Variants in RBM6 observed in about 807,000 individuals in gnomAD.
RBM6 encodes RNA-binding protein 6.
Under a neutral mutation model 140.4 loss-of-function variants are expected in RBM6, and 23 were observed. That is an observed-to-expected ratio of 0.16 (90% CI 0.12 to 0.23). The LOEUF is 0.23. Among genes scored for constraint, RBM6 ranks in the 10% least tolerant of loss-of-function variants. The pLI is 1.00. For missense variants in RBM6, 1,139 were observed against 1,386.7 expected (o/e 0.82, Z 2.84); for synonymous variants, 439 against 475.6 (o/e 0.92, Z 1.00).
At chr3:50,024,528 C>A (rs73079076) in intron 6 of RBM6, among the ~76,000 whole-genome samples, 11,442 of 152,134 alleles carry the variant, frequency 0.075, 655 homozygotes, top group Non-Finnish European at 0.12. Flanking sequence ...AAGATGTATT[C>A]TTTTGCCTGA....
chr3:50,012,293 C>T (rs1306908749), intron 6 of RBM6, among the ~76,000 whole-genome samples: 2 of 152,078 alleles, frequency 1.3e-5, no homozygotes, highest in Non-Finnish European at 2.9e-5. Flanking sequence ...AGTGATCCTC[C>T]CACCTTGGTT....
At chr3:50,038,542 G>A (rs2088678786) in intron 6 of RBM6, among the ~76,000 whole-genome samples, 1 of 152,114 alleles carries the variant, frequency 6.6e-6, no homozygotes, top group South Asian at 2.1e-4. Flanking sequence ...TAGAAATGAT[G>A]TAAATCAGGC....
chr3:50,076,914 C>A, intron 20 of RBM6, 94 bp from the exon 21 acceptor site: 1 of 1,292,902 alleles, frequency 7.7e-7, no homozygotes, highest in Non-Finnish European at 1.0e-6. Context: ...CTATATACTG[C>A]TTCTTACTAG....
In RBM6 at chr3:50,062,035, A is replaced by G. The variant is rs756934766; in HGVS notation, c.2513A>G (p.Gln838Arg). Residue 838 changes from glutamine (Q) to arginine (R), a missense_variant, in exon 15 of 21, where the codon CAA (glutamine) becomes CGA (arginine). Gln to Arg is a conservative substitution (Grantham distance 43, BLOSUM62 1). This residue lies in a region of RBM6 where 163 missense variants were observed against 182.8 expected (regional missense o/e 0.89). Coordinates refer to ENST00000266022, the MANE Select transcript of RBM6 (RefSeq NM_005777.3). ...EEIKEKKPTS[Q>R]GKSSSKKEMS... ...ATCAAGGAAAAAAAACCCACCAGTC[A>G]AGGAAAGTCAAGTAGCAAGAAGGAA... 1 of 1,614,098 alleles carries G rather than the reference A, an allele frequency of 6.2e-7. No individual in the cohort carries two copies. The highest frequency in any genetic ancestry group is 1.6e-4 in the Middle Eastern group (1 of 6,062).
chr3:49,968,211 A>G lies in RBM6; in HGVS notation c.786A>G (p.Arg262=), dbSNP rs762735460. The change falls in exon 3 of 21, where the codon CGA becomes CGG. Residue 262 remains arginine (R), a synonymous_variant. Coordinates refer to ENST00000266022, the MANE Select transcript of RBM6 (RefSeq NM_005777.3). ...TPHSDFRGRH[R]SRTDQDFRGR... The stretch of plus-strand genomic sequence containing the variant: ...ATTCAGATTTCAGAGGTAGACACCG[A>G]TCTAGGACTGATCAGGATTTTAGGG... The G allele has an allele frequency of 2.4e-5, 39 of 1,614,030 alleles. No individual in the cohort carries two copies. The highest frequency in any genetic ancestry group is 3.2e-5 in the Non-Finnish European group (38 of 1,180,036).
At chr3:49,997,540 C>T (rs927407380) in intron 5 of RBM6, among the ~76,000 whole-genome samples, 4 of 152,030 alleles carry the variant, frequency 2.6e-5, no homozygotes, top group African/African-American at 4.8e-5. Flanking sequence ...GTTTTTCATC[C>T]GGGCAGCTAT....
intron 1 of RBM6, among the ~76,000 whole-genome samples, chr3:49,942,656 G>A (rs2108559432): frequency 6.6e-6 from 1 of 152,238 alleles, no homozygotes; most frequent in Non-Finnish European, 1.5e-5. Context: ...ACTTTGGGAG[G>A]TCAACGTGGG....
At chr3:49,984,749 G>A (rs905962386) in intron 5 of RBM6, among the ~76,000 whole-genome samples, 2 of 152,122 alleles carry the variant, frequency 1.3e-5, no homozygotes, top group Non-Finnish European at 2.9e-5. Flanking sequence ...CAAGGACACG[G>A]CCCTGAGCAC....
intron 1 of RBM6, among the ~76,000 whole-genome samples, chr3:49,945,326 T>C (rs1485771416): frequency 1.3e-5 from 2 of 151,976 alleles, no homozygotes; most frequent in African/African-American, 4.8e-5. Flanking sequence ...TACAGGTGCA[T>C]GCCACCATGC....
chr3:50,058,123 A>C, intron 9 of RBM6, 120 bp downstream of exon 9: 1 of 1,250,480 alleles, frequency 8.0e-7, no homozygotes, highest in Non-Finnish European at 1.1e-6. Context: ...GCATGACCTG[A>C]TGACAGAGGC....
chr3:50,068,671 GA>G lies in RBM6; in HGVS notation c.2944-17del. The stretch of plus-strand genomic sequence containing the variant: ...ATTGTTTCTTAGACCTATACTCATA[GA>G]ATTGCCTCTCTTCTCAGCAAAACCT... On this transcript the variant is annotated intron_variant, in intron 17 of 20. Coordinates refer to ENST00000266022, the MANE Select transcript of RBM6 (RefSeq NM_005777.3). 6.2e-7 allele frequency: 1 copy of G among 1,611,726 alleles called. No individual in the cohort carries two copies. Among genetic ancestry groups the G allele is most frequent in the Non-Finnish European group, 8.5e-7 (1 of 1,177,886 alleles).
intron 6 of RBM6, among the ~76,000 whole-genome samples, chr3:50,034,391 C>T (rs2088382286): frequency 6.6e-6 from 1 of 152,194 alleles, no homozygotes; most frequent in Admixed American, 6.5e-5. Context: ...CATATTTTCT[C>T]ACTCTCTTTT....
chr3:49,953,665 A>G (rs1559518306), intron 1 of RBM6, among the ~76,000 whole-genome samples: 1 of 151,568 alleles, frequency 6.6e-6, no homozygotes, highest in Non-Finnish European at 1.5e-5. Flanking sequence ...GATTGCAGGC[A>G]TGTGCTACCA....
chr3:50,027,047 G>A (rs1221738656), intron 6 of RBM6, among the ~76,000 whole-genome samples: 1 of 152,072 alleles, frequency 6.6e-6, no homozygotes, highest in Admixed American at 6.6e-5. Context: ...TACCCTTCTG[G>A]AGTCCTCCAA....
chr3:49,966,227 A>T (rs1260383293), intron 2 of RBM6, among the ~76,000 whole-genome samples: 1 of 152,262 alleles, frequency 6.6e-6, no homozygotes, highest in Non-Finnish European at 1.5e-5. Context: ...GTATAGTAGC[A>T]TAGTCTGAGC....
At chr3:50,041,610 C>T (rs1034987567) in intron 6 of RBM6, among the ~76,000 whole-genome samples, 8 of 152,168 alleles carry the variant, frequency 5.3e-5, no homozygotes, top group Non-Finnish European at 8.8e-5. Flanking sequence ...TTTTCTTCCC[C>T]GGGCTTTGCT....
At chr3:50,029,695 T>C (rs1388847772) in intron 6 of RBM6, among the ~76,000 whole-genome samples, 1 of 152,032 alleles carries the variant, frequency 6.6e-6, no homozygotes, top group Non-Finnish European at 1.5e-5. Flanking sequence ...ATCGTGCCAC[T>C]GCACTCCAGC....
At chr3:49,970,467 G>T (rs1181712828) in intron 3 of RBM6, among the ~76,000 whole-genome samples, 2 of 152,070 alleles carry the variant, frequency 1.3e-5, no homozygotes, top group Non-Finnish European at 2.9e-5. Flanking sequence ...ATGTCTTTGG[G>T]AGTTGACTCT....
At chr3:49,941,331 C>G (rs543722580) in intron 1 of RBM6, among the ~76,000 whole-genome samples, 3 of 152,238 alleles carry the variant, frequency 2.0e-5, no homozygotes, top group South Asian at 4.1e-4. Context: ...GGTCCCAGGT[C>G]TCTCTGGATA....
Sources: allele counts gnomAD v4.1 joint callset (sites outside exome capture counted in the v4.1 genomes callset), GRCh38; gene constraint gnomAD v4.1.1; regional missense constraint gnomAD v4.1.1; transcripts MANE v1.5; gene names NCBI Gene and HGNC (gene_info 2026-07-23, HGNC 2026-07-21).